The following CDK19 variants were observed in gnomAD, a reference collection of about 807,000 sequenced individuals.
CDK19 encodes the protein cyclin dependent kinase 19.
Under a neutral mutation model 68.3 loss-of-function variants are expected in CDK19, and 20 were observed. The ratio of observed to expected loss-of-function variants is 0.29; its 90% CI spans 0.21 to 0.43. CDK19 has a LOEUF of 0.43. CDK19 is among the 20% of genes least tolerant of loss of function. The pLI, the probability that CDK19 is intolerant of heterozygous loss-of-function variation, is 1.00. For synonymous variants in CDK19, 221 were observed against 222.8 expected (o/e 0.99, Z 0.07); for missense variants, 339 against 623.5 (o/e 0.54, Z 4.86).
At position 110,799,144 on chromosome 6, in the gene CDK19, T is replaced by A. The variant is rs1282335761; in HGVS notation, c.128+15865A>T. 8.1e-4 allele frequency among the ~76,000 whole-genome samples: 40 copies of A among 49,134 alleles called. 1 individual carries two copies. Among genetic ancestry groups the A allele is most frequent in the African/African-American group, 1.7e-3 (19 of 11,124 alleles). 32.2% of individuals were successfully genotyped at this position (49,134 alleles called of 152,430 possible). A position where few individuals can be genotyped will look rare whatever the true frequency, so the allele number is the denominator to read the frequency against. ...GGTGTTAAGAGTAAAACCCTGTATT[T>A]AAAAAAAAAAAAAAAAAAAAAAAAA... On this transcript the variant is annotated intron_variant, in intron 1 of 12. Transcript: ENST00000368911.
At chr6:110,673,406 A>G (rs917916650) in intron 2 of CDK19, among the ~76,000 whole-genome samples, 1 of 152,096 alleles carries the variant, frequency 6.6e-6, no homozygotes, top group Non-Finnish European at 1.5e-5. Context: ...TTCTCTATAT[A>G]TTGGTGTATA....
At chr6:110,761,535 A>C (rs1000278483) in intron 1 of CDK19, among the ~76,000 whole-genome samples, 26 of 152,154 alleles carry the variant, frequency 1.7e-4, no homozygotes, top group African/African-American at 5.6e-4. Flanking sequence ...AGATTGGGCA[A>C]GTTTTAAATA....
In CDK19 at chr6:110,777,206, T is replaced by C. The variant is rs967682075; in HGVS notation, c.129-31005A>G. On this transcript the variant is annotated intron_variant, in intron 1 of 12. Coordinates refer to ENST00000368911, the MANE Select transcript of CDK19 (RefSeq NM_015076.5). ...AATTAAAATGATGTTGTATAAAATA[T>C]GTAACAAAATGAGAAATGTGATATG... is the stretch of plus-strand genomic sequence containing the variant. 3.9e-5 allele frequency among the ~76,000 whole-genome samples: 6 copies of C among 152,198 alleles called. No individual in the cohort carries two copies. The East Asian group carries it at 9.6e-4, about 24-fold the overall frequency.
Position 110,614,508 on chromosome 6 carries a change from G to A in CDK19, c.*27C>T, listed in dbSNP as rs779984672. Reference sequence around the variant, plus strand: ...ATTGCTGGAGCCTGTGCTCTGGGCTGGGCTGGCCTGGCCCAACGGGAGCTG... The same window carrying A: ...ATTGCTGGAGCCTGTGCTCTGGGCTAGGCTGGCCTGGCCCAACGGGAGCTG... On this transcript the variant is annotated 3_prime_UTR_variant, in exon 13 of 13. Transcript: ENST00000368911. 3 of 1,609,866 alleles carry A rather than the reference G, an allele frequency of 1.9e-6. No individual in the cohort carries two copies. The African/African-American group carries it at 4.0e-5, about 22-fold the overall frequency.
chr6:110,815,853 G>T (rs905807731), upstream of CDK19: 7 of 152,446 alleles, frequency 4.6e-5, no homozygotes, highest in African/African-American at 1.7e-4. Flanking sequence ...GAGGGCTGGT[G>T]AGGACAGTTG....
intron 1 of CDK19, among the ~76,000 whole-genome samples, chr6:110,794,455 G>A (rs1252859386): frequency 6.8e-6 from 1 of 146,308 alleles, no homozygotes; most frequent in Non-Finnish European, 1.5e-5. Flanking sequence ...AGGCTGGAGT[G>A]CAGTAGCGTC....
At chr6:110,814,793 G>A (rs866086589) in intron 1 of CDK19, 5 of 684,318 alleles carry the variant, frequency 7.3e-6, no homozygotes, top group East Asian at 3.0e-5. Context: ...GCCTCGGACC[G>A]GGCTGCGCCG....
chr6:110,684,000 T>C (rs1458139953), intron 2 of CDK19, among the ~76,000 whole-genome samples: 2 of 151,976 alleles, frequency 1.3e-5, no homozygotes, highest in East Asian at 3.8e-4. Flanking sequence ...TGAGCCACCA[T>C]GCCCAGCCTT....
Position 110,614,264 on chromosome 6 carries a change from G to A in CDK19, c.*271C>T. The A allele has an allele frequency of 3.3e-6, 1 of 301,014 alleles. No individual in the cohort carries two copies. Among genetic ancestry groups the A allele is most frequent in the Non-Finnish European group, 6.2e-6 (1 of 161,250 alleles). The allele number at this position is 301,014 out of a possible 1,614,324, so 18.6% of individuals were successfully genotyped here. ...CTTCAAAGAAATGCTGAAGGTTACA[G>A]AAGTGCTGGGATTAGATCAGACGCT... On this transcript the variant is annotated 3_prime_UTR_variant, in exon 13 of 13. Transcript: ENST00000368911.
chr6:110,631,375 G>C (rs897680096), intron 6 of CDK19, among the ~76,000 whole-genome samples: 1 of 152,196 alleles, frequency 6.6e-6, no homozygotes. Context: ...TGGGCCGTGT[G>C]AGGATACTGC....
chr6:110,620,615 T>C (rs1778647492), intron 12 of CDK19, among the ~76,000 whole-genome samples: 1 of 152,196 alleles, frequency 6.6e-6, no homozygotes, highest in Non-Finnish European at 1.5e-5. Context: ...TATTTTCTAG[T>C]CTCAAAATTA....
At chr6:110,705,317 G>A (rs949592825) in intron 2 of CDK19, among the ~76,000 whole-genome samples, 1 of 152,198 alleles carries the variant, frequency 6.6e-6, no homozygotes, top group Non-Finnish European at 1.5e-5. Context: ...TGGGATTACA[G>A]GCGTGAGCCA....
At chr6:110,722,052 G>A (rs951731128) in intron 2 of CDK19, among the ~76,000 whole-genome samples, 15 of 152,130 alleles carry the variant, frequency 9.9e-5, no homozygotes, top group African/African-American at 3.6e-4. Context: ...GTATGTGTAG[G>A]ATTTTTTTAG....
chr6:110,703,684 T>C (rs1043541677), intron 2 of CDK19, among the ~76,000 whole-genome samples: 1 of 151,868 alleles, frequency 6.6e-6, no homozygotes, highest in African/African-American at 2.4e-5. Flanking sequence ...TACAAAAAAA[T>C]TTTAAATTAG....
chr6:110,767,015 TC>T (rs1779641725), intron 1 of CDK19, among the ~76,000 whole-genome samples: 1 of 151,896 alleles, frequency 6.6e-6, no homozygotes, highest in African/African-American at 2.4e-5. Context: ...GTGTCTCTAG[TC>T]CCAGTTACTC....
Position 110,708,181 on chromosome 6 carries a change from T to A in CDK19, c.205-37640A>T, listed in dbSNP as rs187188924. On this transcript the variant is annotated intron_variant, in intron 2 of 12. Coordinates refer to ENST00000368911, the MANE Select transcript of CDK19 (RefSeq NM_015076.5). ...AGTGTTCAAAAGCCCTTGTGACTAG[T>A]GACTACCACACTGGACAGTACAGAT... Among the ~76,000 whole-genome samples, 16 of 152,288 alleles carry A rather than the reference T, an allele frequency of 1.1e-4. 1 individual carries two copies. In the South Asian group the frequency reaches 2.9e-3, roughly 28 times the overall value.
At chr6:110,624,217 C>CAA (rs1400850756) in intron 8 of CDK19, among the ~76,000 whole-genome samples, 1 of 151,940 alleles carries the variant, frequency 6.6e-6, no homozygotes, top group Non-Finnish European at 1.5e-5. Flanking sequence ...GCAGAACACT[C>CAA]AGAGTCTACC....
At chr6:110,747,290 A>AATC (rs958801422) in intron 1 of CDK19, among the ~76,000 whole-genome samples, 15 of 152,184 alleles carry the variant, frequency 9.9e-5, no homozygotes, top group African/African-American at 3.6e-4. Flanking sequence ...AGATTTTCAC[A>AATC]ATCATCTTCA....
At chr6:110,748,493 A>G (rs1344688091) in intron 1 of CDK19, among the ~76,000 whole-genome samples, 1 of 152,252 alleles carries the variant, frequency 6.6e-6, no homozygotes, top group East Asian at 1.9e-4. Flanking sequence ...CAACATTTAA[A>G]TTGAGAATGA....
Sources: gnomAD v4.1 joint callset for allele counts (sites outside exome capture counted in the v4.1 genomes callset) on GRCh38, gnomAD v4.1.1 for gene constraint, MANE v1.5 for transcripts, NCBI Gene and HGNC (gene_info 2026-07-23, HGNC 2026-07-21) for gene names.